The following TTYH2 variants were observed in gnomAD, a reference collection of about 807,000 sequenced individuals.
TTYH2 encodes the protein protein tweety homolog 2.
Under a neutral mutation model 68.3 loss-of-function variants are expected in TTYH2, and 49 were observed. That is an observed-to-expected ratio of 0.72 (90% CI 0.57 to 0.91). The LOEUF (loss-of-function observed/expected upper bound fraction) is 0.91, where lower values mean the gene tolerates loss of function less well. Among genes scored for constraint, TTYH2 ranks in the 40% least tolerant of loss-of-function variants. The pLI is 0.00. For missense variants in TTYH2, 631 were observed against 700.4 expected, an observed-to-expected ratio of 0.90 and a Z score of 1.12; for synonymous variants, 272 against 300.8, an observed-to-expected ratio of 0.90 and a Z score of 0.99.
chr17:74,216,045 C>T (rs1044566510), intron 1 of TTYH2, among the ~76,000 whole-genome samples: 3 of 152,240 alleles, frequency 2.0e-5, no homozygotes, highest in African/African-American at 7.2e-5. Context: ...CCTCTCTGAG[C>T]CTTGTTCCCT....
At position 74,215,277 on chromosome 17, in the gene TTYH2, G is replaced by A. The variant is rs753817421; in HGVS notation, c.129+1561G>A. ...CCATAGTTTTCTCCTCTCCACTGGAGGAAATCTAAACTTTTCATTGGGTCA... is the reference window on the plus strand; with the variant it reads ...CCATAGTTTTCTCCTCTCCACTGGAAGAAATCTAAACTTTTCATTGGGTCA... On this transcript the variant is annotated intron_variant, in intron 1 of 13. Transcript: ENST00000269346. The surrounding 1 kb of genome is among the most constrained non-coding windows in gnomAD (Gnocchi z 4.3). 2.0e-5 allele frequency among the ~76,000 whole-genome samples: 3 copies of A among 151,986 alleles called. No homozygotes were observed. The highest frequency in any genetic ancestry group is 2.9e-5 in the Non-Finnish European group (2 of 68,006).
chr17:74,248,023 C>G (rs905656762), intron 6 of TTYH2: 2 of 152,466 alleles, frequency 1.3e-5, no homozygotes, highest in East Asian at 1.9e-4. Flanking sequence ...AGTAAGTACT[C>G]CATAAATGTC....
Position 74,241,527 on chromosome 17 carries a change from G to A in TTYH2, c.636-1847G>A, listed in dbSNP as rs1328593615. On this transcript the variant is annotated intron_variant, in intron 4 of 13. Coordinates refer to ENST00000269346, the MANE Select transcript of TTYH2 (RefSeq NM_032646.6). This position sits in a 1 kb window ranked among gnomAD's most constrained non-coding sequence, Gnocchi z 4.1. Reference sequence around the variant, plus strand: ...TTCTTTTGGCAGTAAGCCTCAATTCGGGGAGTCAGAAAGAACCTCCCTTGG... The same window carrying A: ...TTCTTTTGGCAGTAAGCCTCAATTCAGGGAGTCAGAAAGAACCTCCCTTGG... 5.9e-5 allele frequency among the ~76,000 whole-genome samples: 9 copies of A among 152,076 alleles called. No individual in the cohort carries two copies. The highest frequency in any genetic ancestry group is 5.2e-4 in the Admixed American group (8 of 15,270).
chr17:74,229,568 T>C (rs1055546454), intron 2 of TTYH2, among the ~76,000 whole-genome samples: 3 of 151,842 alleles, frequency 2.0e-5, no homozygotes, highest in Non-Finnish European at 4.4e-5. Context: ...CTGCTCTCCA[T>C]AGATGTTCAC....
chr17:74,230,063 G>A (rs924338944), intron 2 of TTYH2, among the ~76,000 whole-genome samples: 7 of 152,054 alleles, frequency 4.6e-5, no homozygotes, highest in African/African-American at 1.4e-4. Context: ...CCCAGGAGTC[G>A]GGGGTTACAG....
chr17:74,226,902 C>T (rs1286829282), intron 2 of TTYH2, among the ~76,000 whole-genome samples: 1 of 152,092 alleles, frequency 6.6e-6, no homozygotes, highest in African/African-American at 2.4e-5. Context: ...CCAGGAGAGA[C>T]CAGGAGAACC....
Position 74,217,971 on chromosome 17 carries a change from G to A in TTYH2, c.129+4255G>A, listed in dbSNP as rs145243717. The stretch of plus-strand genomic sequence containing the variant: ...GTGGCTGCAGGGCACAGTGGGAGGC[G>A]TGGGGAGGCGTGGGAAATTGTCTTG... On this transcript the variant is annotated intron_variant, in intron 1 of 13. Transcript: ENST00000269346. The surrounding 1 kb of genome is among the most constrained non-coding windows in gnomAD (Gnocchi z 4.0). Among the ~76,000 whole-genome samples, 14 of 151,980 alleles carry A rather than the reference G, an allele frequency of 9.2e-5. No individual in the cohort carries two copies. In the East Asian group the frequency reaches 1.0e-3, roughly 11 times the overall value.
At chr17:74,255,482 C>T (rs1248995526) in intron 13 of TTYH2, among the ~76,000 whole-genome samples, 2 of 151,818 alleles carry the variant, frequency 1.3e-5, no homozygotes, top group African/African-American at 2.4e-5. Flanking sequence ...GACGGAGTCT[C>T]ACTCTTCTGC....
At chr17:74,248,717 C>T (rs1050059158) in intron 6 of TTYH2, 32 of 1,312,718 alleles carry the variant, frequency 2.4e-5, no homozygotes, top group Non-Finnish European at 2.9e-5. Flanking sequence ...TAACAGCATG[C>T]GCTCTGCCCC....
Position 74,217,906 on chromosome 17 carries a change from T to C in TTYH2, c.129+4190T>C, listed in dbSNP as rs114114345. Among the ~76,000 whole-genome samples, 2,813 of 152,120 alleles carry C rather than the reference T, an allele frequency of 0.018. 100 individuals are homozygous for C. Among genetic ancestry groups the C allele is most frequent in the African/African-American group, 0.062 (2,559 of 41,482 alleles). The stretch of plus-strand genomic sequence containing the variant: ...GGGAGAGGCAGAGTCTGAGCACCAG[T>C]GTGGGAGCTGGGGGCCTGGTGTTGC... On this transcript the variant is annotated intron_variant, in intron 1 of 13. Transcript: ENST00000269346. The surrounding 1 kb of genome is among the most constrained non-coding windows in gnomAD (Gnocchi z 4.0).
chr17:74,225,147 G>A (rs1598215732), intron 2 of TTYH2, among the ~76,000 whole-genome samples: 1 of 152,338 alleles, frequency 6.6e-6, no homozygotes, highest in East Asian at 1.9e-4. Flanking sequence ...CTTGGCAAAG[G>A]TGGGGGCAGG....
Position 74,222,579 on chromosome 17 carries a change from G to C in TTYH2, c.224G>C (p.Arg75Pro). Reference protein sequence around the residue: ...AYLVCACHCRRDDAVQTKQHH... With the variant: ...AYLVCACHCRPDDAVQTKQHH... ...CTGGTCTGTGCATGCCACTGCCGGC[G>C]GGACGATGCGGTGCAGACCAAGCAG... is the stretch of plus-strand genomic sequence containing the variant. The change falls in exon 2 of 14, where the codon CGG becomes CCG. Residue 75 changes from arginine (R) to proline (P), a missense_variant. Transcript: ENST00000269346. The surrounding 1 kb of genome is among the most constrained non-coding windows in gnomAD (Gnocchi z 5.2). The C allele has an allele frequency of 4.3e-6, 7 of 1,612,404 alleles. No homozygotes were observed. The highest frequency in any genetic ancestry group is 5.9e-6 in the Non-Finnish European group (7 of 1,180,008).
chr17:74,227,988 T>C (rs1298896117), intron 2 of TTYH2, among the ~76,000 whole-genome samples: 1 of 143,136 alleles, frequency 7.0e-6, no homozygotes, highest in African/African-American at 2.8e-5. Context: ...TCTTTCTTTT[T>C]TTTTTTTTTT....
rs1258977061 is a variant in TTYH2 at position 74,214,992 on chromosome 17, T to C, written c.129+1276T>C. ...GGAGGGGAGCATCAGGACCCCTTCC[T>C]GGGGTTCAGTGGGCACTCAGGAGCA... On this transcript the variant is annotated intron_variant, in intron 1 of 13. Transcript: ENST00000269346. The surrounding 1 kb of genome is among the most constrained non-coding windows in gnomAD (Gnocchi z 4.6). 1.3e-5 allele frequency among the ~76,000 whole-genome samples: 2 copies of C among 152,004 alleles called. No homozygotes were observed. The highest frequency in any genetic ancestry group is 1.9e-4 in the East Asian group (1 of 5,164).
chr17:74,226,104 G>A (rs1409756467), intron 2 of TTYH2, among the ~76,000 whole-genome samples: 3 of 152,242 alleles, frequency 2.0e-5, no homozygotes, highest in Non-Finnish European at 2.9e-5. Flanking sequence ...GCAGGGAACC[G>A]GGAAGAGAAG....
At chr17:74,230,439 C>T (rs989783566) in intron 2 of TTYH2, among the ~76,000 whole-genome samples, 7 of 152,010 alleles carry the variant, frequency 4.6e-5, no homozygotes, top group South Asian at 2.1e-4. Flanking sequence ...GAATGTGCAA[C>T]GCTGAGAATG....
At chr17:74,224,136 G>C (rs755952016) in intron 2 of TTYH2, among the ~76,000 whole-genome samples, 1 of 152,208 alleles carries the variant, frequency 6.6e-6, no homozygotes, top group Non-Finnish European at 1.5e-5. Flanking sequence ...ATGGCCGGGC[G>C]CGGTGACTCA....
rs1363586770 is a variant in TTYH2 at position 74,213,865 on chromosome 17, C to T, written c.129+149C>T. Reference sequence around the variant, plus strand: ...TTTCCCGTCTCCCCTCTCCCCTTTTCCCCCACCCTCCCAGGCCCGTGGCCC... The same window carrying T: ...TTTCCCGTCTCCCCTCTCCCCTTTTTCCCCACCCTCCCAGGCCCGTGGCCC... On this transcript the variant is annotated intron_variant, in intron 1 of 13. Coordinates refer to ENST00000269346, the MANE Select transcript of TTYH2 (RefSeq NM_032646.6). This position sits in a 1 kb window ranked among gnomAD's most constrained non-coding sequence, Gnocchi z 6.1. The T allele has an allele frequency of 1.1e-5, 12 of 1,070,246 alleles. No homozygotes were observed. The highest frequency in any genetic ancestry group is 2.9e-5 in the East Asian group (1 of 34,234). The allele number at this position is 1,070,246 out of a possible 1,614,324, so 66.3% of individuals were successfully genotyped here.
chr17:74,248,822 A>G, intron 6 of TTYH2, 189 bp from the exon 7 acceptor site: 3 of 1,426,628 alleles, frequency 2.1e-6, no homozygotes, highest in Non-Finnish European at 2.7e-6. Flanking sequence ...AGAATAAGTA[A>G]CTTGTCCAAG....
Sources: allele counts gnomAD v4.1 joint callset (sites outside exome capture counted in the v4.1 genomes callset), GRCh38; gene constraint gnomAD v4.1.1; non-coding constraint Gnocchi (gnomAD v3.1); transcripts MANE v1.5; gene names NCBI Gene and HGNC (gene_info 2026-07-23, HGNC 2026-07-21).